The following LPAR5 variants were observed in gnomAD, a reference collection of about 807,000 sequenced individuals.
LPAR5 encodes the protein lysophosphatidic acid receptor 5.
For missense variants in LPAR5, 544 were observed against 521.8 expected (o/e 1.04, Z -0.41); for synonymous variants, 271 against 261.6 (o/e 1.04, Z -0.35).
At chr12:6,622,166 G>A (rs1948901702) in intron 1 of LPAR5, among the ~76,000 whole-genome samples, 1 of 150,930 alleles carries the variant, frequency 6.6e-6, no homozygotes, top group Admixed American at 6.6e-5. Context: ...GCTCACGCCT[G>A]TAATCCCAGC....
At chr12:6,632,516 T>C (rs1948986224) in intron 1 of LPAR5, among the ~76,000 whole-genome samples, 1 of 152,176 alleles carries the variant, frequency 6.6e-6, no homozygotes, top group Non-Finnish European at 1.5e-5. Context: ...CCTCTGCTTC[T>C]GTGTTCAGGC....
At chr12:6,623,226 A>G (rs1948909224) in intron 1 of LPAR5, among the ~76,000 whole-genome samples, 1 of 150,802 alleles carries the variant, frequency 6.6e-6, no homozygotes, top group East Asian at 1.9e-4. Flanking sequence ...TAACAAAACG[A>G]GACTCCATCT....
chr12:6,626,597 A>G (rs1948941763), intron 1 of LPAR5, among the ~76,000 whole-genome samples: 1 of 152,250 alleles, frequency 6.6e-6, no homozygotes, highest in Non-Finnish European at 1.5e-5. Context: ...AAGTAAAACC[A>G]GGCTCATTTC....
intron 1 of LPAR5, among the ~76,000 whole-genome samples, chr12:6,634,663 G>C (rs1949000083): frequency 6.6e-6 from 1 of 151,750 alleles, no homozygotes; most frequent in Non-Finnish European, 1.5e-5. Flanking sequence ...GGGCATGGTG[G>C]TGCCTGCCTG....
rs550346191 is a variant in LPAR5 at position 6,620,508 on chromosome 12, G to C, written c.741C>G (p.Phe247Leu). Residue 247 changes from phenylalanine (F) to leucine (L), a missense_variant, in exon 2 of 2, where the codon TTC becomes TTG. Transcript: ENST00000329858. This position sits in a 1 kb window ranked among gnomAD's most constrained non-coding sequence, Gnocchi z 6.8. ...LANLVIFLLCFVPYNSTLAVY... is the reference protein window; with the variant it reads ...LANLVIFLLCLVPYNSTLAVY... ...CCGCCAGCGTGCTGTTGTAGGGCAC[G>C]AAGCACAGCAGGAAGATGACGAGGT... The C allele has an allele frequency of 1.9e-6, 3 of 1,585,098 alleles. No homozygotes were observed. Among genetic ancestry groups the C allele is most frequent in the East Asian group, 4.6e-5 (2 of 43,492 alleles).
At chr12:6,634,870 A>ACC (rs1949000992) in intron 1 of LPAR5, among the ~76,000 whole-genome samples, 1 of 151,348 alleles carries the variant, frequency 6.6e-6, no homozygotes, top group African/African-American at 2.4e-5. Context: ...CAGGTGGATC[A>ACC]TGAGGTCAGG....
At position 6,618,999 on chromosome 12, in the gene LPAR5, G is replaced by A. The variant is rs11612; in HGVS notation, c.*1131C>T. Reference sequence around the variant, plus strand: ...GGACCAACCCTCTGAGGAAGTCCACGAGGTCAAGCTATTTTCATAATACTG... The same window carrying A: ...GGACCAACCCTCTGAGGAAGTCCACAAGGTCAAGCTATTTTCATAATACTG... On this transcript the variant is annotated 3_prime_UTR_variant, in exon 2 of 2. Transcript: ENST00000329858. 24,036 of 152,132 alleles carry A rather than the reference G, an allele frequency of 0.16. 2,087 individuals are homozygous for A. The highest frequency in any genetic ancestry group is 0.2 in the African/African-American group (8,490 of 41,462). 9.4% of individuals were successfully genotyped at this position (152,132 alleles called of 1,614,324 possible). A position where few individuals can be genotyped will look rare whatever the true frequency, so the allele number is the denominator to read the frequency against.
Position 6,620,159 on chromosome 12 carries a change from T to C in LPAR5, c.1090A>G (p.Thr364Ala). 6.2e-7 allele frequency: 1 copy of C among 1,613,472 alleles called. No homozygotes were observed. ...AGGGCGGAATCCTGGGGACACTGTGTGAAGGAAGACAGAGAGTGGGAGTCG... is the reference window on the plus strand; with the variant it reads ...AGGGCGGAATCCTGGGGACACTGTGCGAAGGAAGACAGAGAGTGGGAGTCG... ...PSDSHSLSSF[T>A]QCPQDSAL Residue 364 changes from threonine to alanine, a missense_variant, in exon 2 of 2, where the codon ACA becomes GCA. By Grantham distance (58) the Thr-to-Ala change is moderately conservative (BLOSUM62 0). Coordinates refer to ENST00000329858, the MANE Select transcript of LPAR5 (RefSeq NM_020400.6). This position sits in a 1 kb window ranked among gnomAD's most constrained non-coding sequence, Gnocchi z 6.8.
rs7132077 is a variant in LPAR5, at chr12:6,633,549, A to T, written c.-217+2358T>A. Among the ~76,000 whole-genome samples, 479 of 152,124 alleles carry T rather than the reference A, an allele frequency of 3.1e-3. 2 individuals are homozygous for T. The highest frequency in any genetic ancestry group is 0.011 in the African/African-American group (469 of 41,482). On this transcript the variant is annotated intron_variant, in intron 1 of 1. Transcript: ENST00000329858. ...TGCCTCAGTCTCCCGAGTAGCTGAG[A>T]CTACAGGCGCCCGCCACCACGCCTG...
Position 6,619,922 on chromosome 12 carries a change from C to G in LPAR5, c.*208G>C. On this transcript the variant is annotated 3_prime_UTR_variant, in exon 2 of 2. Coordinates refer to ENST00000329858, the MANE Select transcript of LPAR5 (RefSeq NM_020400.6). ...CCACCGCTGGAGAAGGGGTGCTCTGCGTGCTCACAGTTTAAAGAAGCCATT... is the reference window on the plus strand; with the variant it reads ...CCACCGCTGGAGAAGGGGTGCTCTGGGTGCTCACAGTTTAAAGAAGCCATT... 1 of 746,866 alleles carries G rather than the reference C, an allele frequency of 1.3e-6. No individual in the cohort carries two copies. Among genetic ancestry groups the G allele is most frequent in the Non-Finnish European group, 2.4e-6 (1 of 424,164 alleles). 46.3% of individuals were successfully genotyped at this position (746,866 alleles called of 1,614,324 possible).
intron 1 of LPAR5, among the ~76,000 whole-genome samples, chr12:6,622,736 C>CT (rs1182430731): frequency 6.6e-6 from 1 of 151,004 alleles, no homozygotes; most frequent in Non-Finnish European, 1.5e-5. Context: ...GAGCAAGACT[C>CT]TGTCTCAAAA....
chr12:6,625,455 C>T (rs1477033562), intron 1 of LPAR5, among the ~76,000 whole-genome samples: 1 of 133,590 alleles, frequency 7.5e-6, no homozygotes, highest in Non-Finnish European at 1.6e-5. Context: ...GGCGCGGTGG[C>T]TCATGCCTGT....
chr12:6,632,877 T>G (rs546025948), intron 1 of LPAR5, among the ~76,000 whole-genome samples: 1 of 152,284 alleles, frequency 6.6e-6, no homozygotes, highest in African/African-American at 2.4e-5. Flanking sequence ...GAGGAGTCTC[T>G]GGCACGGATC....
chr12:6,630,648 C>T (rs1948975510), intron 1 of LPAR5, among the ~76,000 whole-genome samples: 1 of 151,796 alleles, frequency 6.6e-6, no homozygotes, highest in Admixed American at 6.6e-5. Context: ...AGACAGGTTT[C>T]ACCATATTGG....
intron 1 of LPAR5, among the ~76,000 whole-genome samples, chr12:6,625,207 C>T (rs552052970): frequency 1.8e-4 from 28 of 151,864 alleles, no homozygotes; most frequent in African/African-American, 6.8e-4. Context: ...AGGCGGATCA[C>T]GAGGTCAGGA....
At chr12:6,624,273 G>A (rs555615479) in intron 1 of LPAR5, among the ~76,000 whole-genome samples, 1 of 152,198 alleles carries the variant, frequency 6.6e-6, no homozygotes, top group South Asian at 2.1e-4. Context: ...CTAATCCATC[G>A]CACTCCGGCC....
intron 1 of LPAR5, among the ~76,000 whole-genome samples, chr12:6,627,014 C>A (rs935909049): frequency 1.3e-5 from 2 of 152,192 alleles, no homozygotes; most frequent in Non-Finnish European, 2.9e-5. Context: ...TAATAGGTAT[C>A]ATTTACTGAT....
rs758781479 is a variant in LPAR5, at chr12:6,620,754, G to C, written c.495C>G (p.Cys165Trp). The C allele has an allele frequency of 6.3e-7, 1 of 1,591,912 alleles. No individual in the cohort carries two copies. Among genetic ancestry groups the C allele is most frequent in the South Asian group, 1.1e-5 (1 of 88,460 alleles). ...PAARVHRPSR[C>W]RYRDLEVRLC... ...GGCGCACCTCGAGGTCCCGGTAGCG[G>C]CAACGCGAGGGCCTGTGCACGCGGG... The change falls in exon 2 of 2, where the codon TGC becomes TGG. Residue 165 changes from cysteine (C) to tryptophan (W), a missense_variant. By Grantham distance (215) the Cys-to-Trp change is radical. Coordinates refer to ENST00000329858, the MANE Select transcript of LPAR5 (RefSeq NM_020400.6). This position sits in a 1 kb window ranked among gnomAD's most constrained non-coding sequence, Gnocchi z 6.8.
intron 1 of LPAR5, among the ~76,000 whole-genome samples, chr12:6,625,006 T>C (rs576549613): frequency 6.6e-6 from 1 of 152,362 alleles, no homozygotes; most frequent in African/African-American, 2.4e-5. Flanking sequence ...ACTTGGATTC[T>C]TTCCACCTTT....
Sources: allele counts gnomAD v4.1 joint callset (sites outside exome capture counted in the v4.1 genomes callset), GRCh38; gene constraint gnomAD v4.1.1; non-coding constraint Gnocchi (gnomAD v3.1); transcripts MANE v1.5; gene names NCBI Gene and HGNC (gene_info 2026-07-23, HGNC 2026-07-21).